Variants in SEZ6L observed in about 807,000 individuals in gnomAD.
SEZ6L encodes the protein seizure related 6 homolog like.
SEZ6L carries 37 observed loss-of-function variants against 106.2 expected under a neutral mutation model. The ratio of observed to expected loss-of-function variants is 0.35; its 90% confidence interval spans 0.27 to 0.46. The LOEUF (loss-of-function observed/expected upper bound fraction) is 0.46, where lower values mean the gene tolerates loss of function less well. Among genes scored for constraint, SEZ6L ranks in the 20% least tolerant of loss-of-function variants. The probability of loss-of-function intolerance (pLI) is 1.00; values close to 1 mark genes in which losing one functional copy is unlikely to be tolerated. For synonymous variants in SEZ6L, 541 were observed against 570.4 expected (o/e 0.95, Z 0.73); for missense variants, 1,172 against 1,332.8 (o/e 0.88, Z 1.88).
At chr22:26,225,724 C>G (rs2078616488) in intron 1 of SEZ6L, among the ~76,000 whole-genome samples, 1 of 152,156 alleles carries the variant, frequency 6.6e-6, no homozygotes, top group Non-Finnish European at 1.5e-5. Flanking sequence ...AAACCTTAAG[C>G]AGCTGCATTT....
At position 26,257,380 on chromosome 22, in the gene SEZ6L, G is replaced by A. The variant is rs138248137; in HGVS notation, c.95-35026G>A. Among the ~76,000 whole-genome samples, 76 of 152,214 alleles carry A rather than the reference G, an allele frequency of 5.0e-4. No homozygotes were observed. In the East Asian group the frequency reaches 0.014, roughly 27 times the overall value. On this transcript the variant is annotated intron_variant, in intron 1 of 16. Coordinates refer to ENST00000248933, the MANE Select transcript of SEZ6L (RefSeq NM_021115.5). Reference sequence around the variant, plus strand: ...TCCCATTTAACTTCTCATTTTACAGGAGAGAAAACAAGCCGCAAAAATGAA... The same window carrying A: ...TCCCATTTAACTTCTCATTTTACAGAAGAGAAAACAAGCCGCAAAAATGAA...
Position 26,340,492 on chromosome 22 carries a change from C to T in SEZ6L, c.2072C>T (p.Pro691Leu). 1.2e-6 allele frequency: 2 copies of T among 1,613,934 alleles called. No homozygotes were observed. Among genetic ancestry groups the T allele is most frequent in the Non-Finnish European group, 1.7e-6 (2 of 1,179,956 alleles). Residue 691 changes from proline to leucine, a missense_variant, in exon 10 of 17, where the codon CCC (proline) becomes CTC (leucine). By Grantham distance (98) the Pro-to-Leu change is moderately conservative. This residue lies in a region of SEZ6L where 534 missense variants were observed against 691.0 expected (regional missense o/e 0.77). Coordinates refer to ENST00000248933, the MANE Select transcript of SEZ6L (RefSeq NM_021115.5). ...LTIYDGDEVM[P>L]HILGQYLGNS... Reference sequence around the variant, plus strand: ...ATCTACGATGGCGACGAGGTCATGCCCCACATCTTGGGGCAGTACCTTGGG... The same window carrying T: ...ATCTACGATGGCGACGAGGTCATGCTCCACATCTTGGGGCAGTACCTTGGG...
chr22:26,367,793 C>T lies in SEZ6L; in HGVS notation c.2794+2227C>T, dbSNP rs539733356. Among the ~76,000 whole-genome samples the T allele has an allele frequency of 2.0e-3, 301 of 151,776 alleles. 1 individual carries two copies. Among genetic ancestry groups the T allele is most frequent in the African/African-American group, 7.1e-3 (291 of 41,080 alleles). On this transcript the variant is annotated intron_variant, in intron 13 of 16. Coordinates refer to ENST00000248933, the MANE Select transcript of SEZ6L (RefSeq NM_021115.5). ...ACCTGGCGTTCTGCAAACCCTAATA[C>T]TCTTAACGCCCCCAGTTTGTGCACA...
intron 1 of SEZ6L, among the ~76,000 whole-genome samples, chr22:26,201,913 T>C (rs761325898): frequency 4.6e-5 from 7 of 152,044 alleles, no homozygotes; most frequent in Non-Finnish European, 8.8e-5. Context: ...TTTGTTGTTG[T>C]TTGTTTGTTT....
At position 26,305,834 on chromosome 22, in the gene SEZ6L, A is replaced by G. The variant is rs540492386; in HGVS notation, c.1349-145A>G. ...TCCCGCTCCAGGTCTCTGATGTTTCATCCTGGGCAAGGGGCAGGGGTGGGG... is the reference window on the plus strand; with the variant it reads ...TCCCGCTCCAGGTCTCTGATGTTTCGTCCTGGGCAAGGGGCAGGGGTGGGG... On this transcript the variant is annotated intron_variant, in intron 5 of 16. Coordinates refer to ENST00000248933, the MANE Select transcript of SEZ6L (RefSeq NM_021115.5). 1.3e-3 allele frequency: 1,129 copies of G among 858,614 alleles called. 5 individuals are homozygous for G. Among genetic ancestry groups the G allele is most frequent in the Non-Finnish European group, 1.7e-3 (976 of 590,290 alleles). 53.2% of individuals were successfully genotyped at this position (858,614 alleles called of 1,614,324 possible).
chr22:26,343,182 A>T (rs2082898412), intron 10 of SEZ6L, among the ~76,000 whole-genome samples: 1 of 152,012 alleles, frequency 6.6e-6, no homozygotes, highest in East Asian at 1.9e-4. Context: ...CTGCCTTTGG[A>T]GGAAGTCTCT....
chr22:26,322,996 T>A (rs760679738), intron 9 of SEZ6L, among the ~76,000 whole-genome samples: 4 of 152,210 alleles, frequency 2.6e-5, no homozygotes, highest in South Asian at 4.1e-4. Context: ...GGAACTAACA[T>A]TGGTGAAGGC....
chr22:26,284,629 A>AC (rs1306383379), intron 1 of SEZ6L, among the ~76,000 whole-genome samples: 1 of 146,480 alleles, frequency 6.8e-6, no homozygotes, highest in East Asian at 1.9e-4. Flanking sequence ...AAAAAAAAAA[A>AC]AAACCCTAAT....
At chr22:26,322,533 T>TA (rs1298894362) in intron 9 of SEZ6L, among the ~76,000 whole-genome samples, 4 of 152,186 alleles carry the variant, frequency 2.6e-5, no homozygotes, top group Non-Finnish European at 5.9e-5. Flanking sequence ...CTCCGTGAAT[T>TA]ATGGAAATAT....
intron 9 of SEZ6L, among the ~76,000 whole-genome samples, chr22:26,326,250 A>G (rs937555445): frequency 2.6e-5 from 4 of 152,250 alleles, no homozygotes; most frequent in Non-Finnish European, 5.9e-5. Flanking sequence ...GTGCACCCCT[A>G]CAAGCTCAAG....
At chr22:26,173,642 C>A (rs2123759750) in intron 1 of SEZ6L, among the ~76,000 whole-genome samples, 1 of 152,310 alleles carries the variant, frequency 6.6e-6, no homozygotes, top group East Asian at 1.9e-4. Flanking sequence ...CTTAGTTCAA[C>A]CTGCTATAAC....
chr22:26,222,204 G>A (rs2078498076), intron 1 of SEZ6L, among the ~76,000 whole-genome samples: 1 of 152,114 alleles, frequency 6.6e-6, no homozygotes, highest in African/African-American at 2.4e-5. Flanking sequence ...GATGATTCTG[G>A]TGCATGCTCA....
At chr22:26,360,163 G>A (rs1424263800) in intron 12 of SEZ6L, among the ~76,000 whole-genome samples, 4 of 152,174 alleles carry the variant, frequency 2.6e-5, no homozygotes, top group African/African-American at 9.7e-5. Flanking sequence ...AGAATACTCT[G>A]GGTGACTAAT....
intron 1 of SEZ6L, among the ~76,000 whole-genome samples, chr22:26,224,906 C>A (rs1338893347): frequency 6.6e-6 from 1 of 152,174 alleles, no homozygotes; most frequent in Non-Finnish European, 1.5e-5. Context: ...CTGCAGCCAT[C>A]TGCAGTTCAG....
chr22:26,293,419 C>T (rs558056594), intron 2 of SEZ6L, among the ~76,000 whole-genome samples: 2 of 152,390 alleles, frequency 1.3e-5, no homozygotes, highest in East Asian at 3.9e-4. Flanking sequence ...CAGCCTCAAA[C>T]TCCTGTGCTC....
chr22:26,294,145 A>T (rs910562527), intron 2 of SEZ6L, 147 bp from the exon 3 acceptor site: 1 of 704,512 alleles, frequency 1.4e-6, no homozygotes, highest in Non-Finnish European at 2.4e-6. Context: ...TATCATGTCA[A>T]TTCTGGAGCT....
chr22:26,267,804 AG>A (rs1027632370), intron 1 of SEZ6L, among the ~76,000 whole-genome samples: 2 of 152,180 alleles, frequency 1.3e-5, no homozygotes, highest in Admixed American at 1.3e-4. Flanking sequence ...GTCAGATGAG[AG>A]GGGTCACCAG....
intron 9 of SEZ6L, among the ~76,000 whole-genome samples, chr22:26,314,857 G>A (rs1293869657): frequency 2.0e-5 from 3 of 152,352 alleles, no homozygotes; most frequent in African/African-American, 7.2e-5. Context: ...GAGGTGCAGG[G>A]AGGCCACCCA....
chr22:26,322,657 C>T (rs1306241023), intron 9 of SEZ6L, among the ~76,000 whole-genome samples: 2 of 152,184 alleles, frequency 1.3e-5, no homozygotes, highest in African/African-American at 4.8e-5. Context: ...GACCATTAGG[C>T]ATGAAATGAA....
Sources: allele counts gnomAD v4.1 joint callset (sites outside exome capture counted in the v4.1 genomes callset), GRCh38; gene constraint gnomAD v4.1.1; regional missense constraint gnomAD v4.1.1; transcripts MANE v1.5; gene names NCBI Gene and HGNC (gene_info 2026-07-23, HGNC 2026-07-21).